The following RBMS3 variants were observed in gnomAD, a reference collection of about 807,000 sequenced individuals.
RBMS3 encodes the protein RNA-binding motif, single-stranded-interacting protein 3.
Under a neutral mutation model 66.8 loss-of-function variants are expected in RBMS3, and 27 were observed. That is an observed-to-expected ratio of 0.40 (90% CI 0.30 to 0.56). The LOEUF is 0.56. RBMS3 is among the 20% of genes least tolerant of loss of function. The probability of loss-of-function intolerance (pLI) is 0.40; values close to 1 mark genes in which losing one functional copy is unlikely to be tolerated. For missense variants in RBMS3, 513 were observed against 549.5 expected (o/e 0.93, Z 0.66); for synonymous variants, 188 against 183.0 (o/e 1.03, Z -0.22).
intron 2 of RBMS3, among the ~76,000 whole-genome samples, chr3:29,438,493 T>A (rs991918906): frequency 2.6e-5 from 4 of 152,140 alleles, no homozygotes; most frequent in African/African-American, 9.7e-5. Flanking sequence ...GAGAGCAAAT[T>A]CTTATTGAGG....
At chr3:29,365,123 A>G (rs1024793112) in intron 1 of RBMS3, among the ~76,000 whole-genome samples, 3 of 152,156 alleles carry the variant, frequency 2.0e-5, no homozygotes, top group Non-Finnish European at 2.9e-5. Context: ...AGATTATTCA[A>G]TAGTACCTAT....
At position 29,421,592 on chromosome 3, in the gene RBMS3, T is replaced by C. The variant is rs376253192; in HGVS notation, c.76-13151T>C. ...ATTTTAATTAGTACTTTTACAACTT[T>C]TAGATATTTCTCAGAATCTGTGTAT... is the stretch of plus-strand genomic sequence containing the variant. On this transcript the variant is annotated intron_variant, in intron 1 of 14. Coordinates refer to ENST00000383767, the MANE Select transcript of RBMS3 (RefSeq NM_001003793.3). 3.1e-4 allele frequency among the ~76,000 whole-genome samples: 47 copies of C among 152,332 alleles called. No individual in the cohort carries two copies. The East Asian group carries it at 5.8e-3, about 19-fold the overall frequency.
chr3:29,947,193 A>G lies in RBMS3; in HGVS notation c.1098+2939A>G, dbSNP rs7650401. On this transcript the variant is annotated intron_variant, in intron 12 of 14. Transcript: ENST00000383767. ...TTTGGATAATGAACTATTTCTTGGC[A>G]AAGTTTGAATCATGGGAGCAGGTGG... is the stretch of plus-strand genomic sequence containing the variant. Among the ~76,000 whole-genome samples the G allele has an allele frequency of 4.9e-3, 743 of 151,686 alleles. 6 individuals carry two copies. The highest frequency in any genetic ancestry group is 0.017 in the African/African-American group (716 of 41,448).
chr3:29,930,355 GC>G, intron 10 of RBMS3, among the ~76,000 whole-genome samples: 1 of 151,484 alleles, frequency 6.6e-6, no homozygotes, highest in East Asian at 2.0e-4. Flanking sequence ...CTCGTGATCC[GC>G]CCGCCTCGGC....
intron 1 of RBMS3, among the ~76,000 whole-genome samples, chr3:29,313,017 C>G (rs1474654090): frequency 6.6e-6 from 1 of 151,716 alleles, no homozygotes; most frequent in African/African-American, 2.4e-5. Context: ...GTCTCAAGCC[C>G]TAAGCAAATA....
At chr3:29,866,914 T>C (rs1420473945) in intron 6 of RBMS3, among the ~76,000 whole-genome samples, 2 of 152,170 alleles carry the variant, frequency 1.3e-5, no homozygotes, top group Non-Finnish European at 2.9e-5. Context: ...TGATATTTAT[T>C]GAATGCTCTC....
At chr3:29,438,802 A>G (rs1240481237) in intron 2 of RBMS3, among the ~76,000 whole-genome samples, 1 of 152,178 alleles carries the variant, frequency 6.6e-6, no homozygotes, top group Non-Finnish European at 1.5e-5. Context: ...AGTGGTGAGT[A>G]AATTTAGATA....
At chr3:29,981,467 T>C (rs1697989895) in intron 12 of RBMS3, among the ~76,000 whole-genome samples, 1 of 152,304 alleles carries the variant, frequency 6.6e-6, no homozygotes, top group Middle Eastern at 3.4e-3. Context: ...CAATACTATG[T>C]TGAATAGGAG....
intron 2 of RBMS3, among the ~76,000 whole-genome samples, chr3:29,483,873 C>A (rs939427357): frequency 6.6e-6 from 1 of 152,032 alleles, no homozygotes; most frequent in African/African-American, 2.4e-5. Flanking sequence ...AGGTATTAGC[C>A]CGAAATAGTA....
chr3:29,890,658 A>G (rs992589878), intron 8 of RBMS3, among the ~76,000 whole-genome samples: 1 of 151,624 alleles, frequency 6.6e-6, no homozygotes, highest in African/African-American at 2.4e-5. Flanking sequence ...CAATGGACAT[A>G]TATACAATTG....
chr3:29,796,657 T>A (rs1177562665), intron 6 of RBMS3, among the ~76,000 whole-genome samples: 1 of 151,754 alleles, frequency 6.6e-6, no homozygotes, highest in East Asian at 1.9e-4. Flanking sequence ...TCTCCATCAA[T>A]GCTCTTGGGT....
chr3:29,499,892 T>C (rs933478934), intron 3 of RBMS3, among the ~76,000 whole-genome samples: 2 of 150,696 alleles, frequency 1.3e-5, no homozygotes, highest in African/African-American at 5.0e-5. Flanking sequence ...AAAAACACAC[T>C]GGGCCTTGGG....
intron 1 of RBMS3, among the ~76,000 whole-genome samples, chr3:29,362,156 G>GT (rs1442298971): frequency 1.3e-5 from 2 of 152,178 alleles, no homozygotes; most frequent in Non-Finnish European, 2.9e-5. Flanking sequence ...TTTCTGTTCT[G>GT]TTTTTTCCCC....
intron 6 of RBMS3, among the ~76,000 whole-genome samples, chr3:29,825,713 T>C (rs1456261098): frequency 6.6e-6 from 1 of 152,174 alleles, no homozygotes; most frequent in African/African-American, 2.4e-5. Context: ...CTTGGGTATG[T>C]CTTTATTAGC....
rs143917252 is a variant in RBMS3 at position 29,427,982 on chromosome 3, A to T, written c.76-6761A>T. Among the ~76,000 whole-genome samples, 604 of 152,316 alleles carry T rather than the reference A, an allele frequency of 4.0e-3. 5 individuals are homozygous for T. The highest frequency in any genetic ancestry group is 0.014 in the African/African-American group (570 of 41,576). ...AGAAGGAGAAGTATGTTTCAGACTTAGTCTGCTGCAAATGAAATGTGGCAT... is the reference window on the plus strand; with the variant it reads ...AGAAGGAGAAGTATGTTTCAGACTTTGTCTGCTGCAAATGAAATGTGGCAT... On this transcript the variant is annotated intron_variant, in intron 1 of 14. Transcript: ENST00000383767.
At chr3:29,957,295 G>A (rs1167791725) in intron 12 of RBMS3, among the ~76,000 whole-genome samples, 2 of 152,040 alleles carry the variant, frequency 1.3e-5, no homozygotes, top group Non-Finnish European at 2.9e-5. Context: ...CCATAATCCA[G>A]CAACATCTGG....
Position 29,991,902 on chromosome 3 carries a change from C to T in RBMS3, c.1307+693C>T, listed in dbSNP as rs202159293. 2.6e-5 allele frequency among the ~76,000 whole-genome samples: 4 copies of T among 152,190 alleles called. No homozygotes were observed. In the East Asian group the frequency reaches 7.7e-4, roughly 29 times the overall value. ...AAGCAATATAAAATATGGTCTTATT[C>T]AGGAATAAAATGGCAAGGATTTTCA... On this transcript the variant is annotated intron_variant, in intron 14 of 14. Coordinates refer to ENST00000383767, the MANE Select transcript of RBMS3 (RefSeq NM_001003793.3).
intron 3 of RBMS3, among the ~76,000 whole-genome samples, chr3:29,531,101 C>T (rs1047313555): frequency 1.8e-4 from 27 of 152,226 alleles, no homozygotes; most frequent in African/African-American, 6.5e-4. Context: ...TCAACAGTGC[C>T]ATCCCCGAGG....
chr3:29,902,265 T>C (rs2060273025), intron 10 of RBMS3, among the ~76,000 whole-genome samples: 1 of 151,936 alleles, frequency 6.6e-6, no homozygotes, highest in South Asian at 2.1e-4. Flanking sequence ...GCTCTTAAAA[T>C]AATTTCTGGA....
Sources: gnomAD v4.1 joint callset for allele counts (sites outside exome capture counted in the v4.1 genomes callset) on GRCh38, gnomAD v4.1.1 for gene constraint, MANE v1.5 for transcripts, NCBI Gene and HGNC (gene_info 2026-07-23, HGNC 2026-07-21) for gene names.